MACROD2: variants seen among roughly 807,000 people sequenced by gnomAD.
MACROD2 encodes the protein ADP-ribose glycohydrolase MACROD2.
A neutral mutation model predicts 70.4 loss-of-function variants in MACROD2; 36 were observed. The observed-to-expected ratio is 0.51, with a 90% confidence interval of 0.39 to 0.68. The LOEUF (loss-of-function observed/expected upper bound fraction) is 0.68. Ranked by LOEUF, MACROD2 falls within the 30% of genes least tolerant of loss-of-function variation. MACROD2 has a pLI of 0.00. For synonymous variants in MACROD2, 172 were observed against 178.8 expected, an observed-to-expected ratio of 0.96 and a Z score of 0.30; for missense variants, 496 against 538.4, an observed-to-expected ratio of 0.92 and a Z score of 0.78.
chr20:15,425,039 T>C (rs746200393), intron 6 of MACROD2, among the ~76,000 whole-genome samples: 4 of 152,126 alleles, frequency 2.6e-5, no homozygotes, highest in Non-Finnish European at 5.9e-5. Context: ...AAGAAAGAGC[T>C]ACGCGCAAAA....
At chr20:14,563,634 A>G (rs1979585959) in intron 4 of MACROD2, among the ~76,000 whole-genome samples, 3 of 151,972 alleles carry the variant, frequency 2.0e-5, no homozygotes, top group South Asian at 4.1e-4. Context: ...GTTTCCCCCA[A>G]TGGTAACATT....
chr20:14,610,867 G>A (rs1983114689), intron 4 of MACROD2, among the ~76,000 whole-genome samples: 1 of 151,992 alleles, frequency 6.6e-6, no homozygotes, highest in African/African-American at 2.4e-5. Context: ...CATTATTAAG[G>A]TATACTCGAT....
At chr20:15,426,201 TAAAAA>T (rs35840462) in intron 6 of MACROD2, among the ~76,000 whole-genome samples, 6 of 94,768 alleles carry the variant, frequency 6.3e-5, no homozygotes, top group African/African-American at 2.3e-4. Context: ...GAATGATCAA[TAAAAA>T]AAAAAAAAAA....
In MACROD2 at chr20:14,162,987, T is replaced by G. The variant is rs868727218; in HGVS notation, c.271+77259T>G. ...CTTATTGTTTATCTTTGTGGTTTGG[T>G]GGTTTTCTGTAGAGGTAATATTTGA... On this transcript the variant is annotated intron_variant, in intron 3 of 17. Coordinates refer to ENST00000684519, the MANE Select transcript of MACROD2 (RefSeq NM_001351661.2). Among the ~76,000 whole-genome samples, 38 of 152,262 alleles carry G rather than the reference T, an allele frequency of 2.5e-4. No homozygotes were observed. In the Middle Eastern group the frequency reaches 0.01, roughly 41 times the overall value.
intron 12 of MACROD2, among the ~76,000 whole-genome samples, chr20:15,957,458 C>T (rs538829419): frequency 1.3e-5 from 2 of 152,168 alleles, no homozygotes; most frequent in African/African-American, 4.8e-5. Context: ...TCATACGTCT[C>T]TAGGTTGGAG....
intron 6 of MACROD2, among the ~76,000 whole-genome samples, chr20:15,293,474 T>C (rs530141806): frequency 6.6e-6 from 1 of 152,302 alleles, no homozygotes; most frequent in Admixed American, 6.5e-5. Context: ...CTGCTGAATA[T>C]AGGAAAAAAA....
At chr20:14,613,213 T>A (rs1482845241) in intron 4 of MACROD2, among the ~76,000 whole-genome samples, 1 of 152,138 alleles carries the variant, frequency 6.6e-6, no homozygotes, top group South Asian at 2.1e-4. Flanking sequence ...TCAGTTGAAG[T>A]ATGTTTGCGA....
intron 17 of MACROD2, 125 bp downstream of exon 17, chr20:16,044,764 A>C: frequency 1.2e-6 from 1 of 811,302 alleles, no homozygotes. Context: ...TAAACCTTGA[A>C]AATCTTTAAA....
At chr20:15,859,365 G>A (rs989473641) in intron 8 of MACROD2, among the ~76,000 whole-genome samples, 2 of 152,104 alleles carry the variant, frequency 1.3e-5, no homozygotes, top group Admixed American at 6.6e-5. Context: ...AACCTGTGTT[G>A]CTCAAGGAAT....
chr20:15,247,898 C>A (rs392871), intron 6 of MACROD2, among the ~76,000 whole-genome samples: 45,122 of 151,974 alleles, frequency 0.3, 7,891 homozygotes, highest in African/African-American at 0.49. Flanking sequence ...GGGTTTCACC[C>A]TGTTGGCCAG....
At chr20:15,372,718 A>C (rs1231378807) in intron 6 of MACROD2, among the ~76,000 whole-genome samples, 2 of 152,188 alleles carry the variant, frequency 1.3e-5, no homozygotes, top group East Asian at 3.9e-4. Flanking sequence ...AAAAATGTGC[A>C]GATCTTCTTC....
chr20:15,964,332 C>A (rs1171907157), intron 12 of MACROD2, among the ~76,000 whole-genome samples: 1 of 152,142 alleles, frequency 6.6e-6, no homozygotes, highest in Non-Finnish European at 1.5e-5. Context: ...AAGATCAAGG[C>A]ACCAGCAGAT....
chr20:15,340,765 A>T (rs1469469533), intron 6 of MACROD2, among the ~76,000 whole-genome samples: 1 of 147,592 alleles, frequency 6.8e-6, no homozygotes, highest in East Asian at 2.0e-4. Flanking sequence ...TCCACCCCGC[A>T]AACACACACT....
chr20:14,979,081 A>C (rs2074772938), intron 5 of MACROD2, among the ~76,000 whole-genome samples: 1 of 149,590 alleles, frequency 6.7e-6, no homozygotes. Context: ...CCTCCTGAGT[A>C]GCTAGGACTA....
chr20:14,059,586 T>C (rs2053669124), intron 2 of MACROD2, among the ~76,000 whole-genome samples: 1 of 152,158 alleles, frequency 6.6e-6, no homozygotes, highest in South Asian at 2.1e-4. Context: ...AAGCTGAGAC[T>C]TGAATAAGAT....
At chr20:15,907,053 T>A (rs2065158170) in intron 10 of MACROD2, among the ~76,000 whole-genome samples, 1 of 152,244 alleles carries the variant, frequency 6.6e-6, no homozygotes, top group Non-Finnish European at 1.5e-5. Context: ...TTTATTCATT[T>A]GTGTACTTAT....
chr20:15,983,946 T>TAAA (rs552072882), intron 13 of MACROD2, among the ~76,000 whole-genome samples: 69 of 152,338 alleles, frequency 4.5e-4, no homozygotes, highest in African/African-American at 1.6e-3. Context: ...TAAAGAAAGC[T>TAAA]AAATACTATT....
intron 4 of MACROD2, among the ~76,000 whole-genome samples, chr20:14,623,897 C>G (rs980671918): frequency 2.6e-5 from 4 of 152,208 alleles, no homozygotes; most frequent in African/African-American, 9.6e-5. Flanking sequence ...ATTGATCTGG[C>G]AAATCCATTT....
chr20:15,479,860 A>G (rs2047073514), intron 7 of MACROD2, among the ~76,000 whole-genome samples: 1 of 152,238 alleles, frequency 6.6e-6, no homozygotes, highest in African/African-American at 2.4e-5. Context: ...ATTGACACCC[A>G]CCGACTGTCA....
Sources: allele counts gnomAD v4.1 joint callset (sites outside exome capture counted in the v4.1 genomes callset), GRCh38; gene constraint gnomAD v4.1.1; transcripts MANE v1.5; gene names NCBI Gene and HGNC (gene_info 2026-07-23, HGNC 2026-07-21).